RGS7: variants seen among roughly 807,000 people sequenced by gnomAD.
RGS7 encodes regulator of G-protein signaling 7.
In RGS7, 27 loss-of-function variants were observed where a neutral mutation model predicts 81.1. That is an observed-to-expected ratio of 0.33 (90% CI 0.25 to 0.46). The LOEUF is 0.46. Ranked by LOEUF, RGS7 falls within the 20% of genes least tolerant of loss-of-function variation. RGS7 has a pLI of 1.00. For synonymous variants in RGS7, 208 were observed against 207.7 expected, an observed-to-expected ratio of 1.00 and a Z score of -0.01; for missense variants, 396 against 607.4, an observed-to-expected ratio of 0.65 and a Z score of 3.66.
intron 6 of RGS7, among the ~76,000 whole-genome samples, chr1:240,883,596 G>A (rs1179265499): frequency 3.9e-5 from 6 of 152,078 alleles, no homozygotes; most frequent in African/African-American, 4.8e-5. Flanking sequence ...GAGCTTTCAC[G>A]GTTATTCATG....
At chr1:241,235,648 TTCTCTC>T (rs372938062) in intron 2 of RGS7, among the ~76,000 whole-genome samples, 2 of 149,078 alleles carry the variant, frequency 1.3e-5, no homozygotes, top group African/African-American at 5.0e-5. Flanking sequence ...TTTTTTCTCA[TTCTCTC>T]TTTCTTTCTC....
chr1:241,145,490 C>T (rs1282151410), intron 2 of RGS7, among the ~76,000 whole-genome samples: 3 of 152,174 alleles, frequency 2.0e-5, no homozygotes, highest in African/African-American at 7.2e-5. Context: ...AGATCCTCTG[C>T]CATTTAAAAA....
intron 3 of RGS7, among the ~76,000 whole-genome samples, chr1:240,993,248 GGAAAGAAA>G (rs763764704): frequency 4.0e-5 from 6 of 148,930 alleles, no homozygotes; most frequent in Non-Finnish European, 8.9e-5. Context: ...AAGAAAGAGA[GGAAAGAAA>G]GAAAGAAAGA....
chr1:241,010,771 C>T (rs563077380), intron 3 of RGS7, among the ~76,000 whole-genome samples: 3 of 152,090 alleles, frequency 2.0e-5, no homozygotes, highest in East Asian at 3.9e-4. Context: ...CAATGGGTCG[C>T]GTCTGGGAAT....
chr1:241,119,972 C>G (rs1316740591), intron 2 of RGS7, among the ~76,000 whole-genome samples: 2 of 152,092 alleles, frequency 1.3e-5, no homozygotes, highest in Non-Finnish European at 2.9e-5. Context: ...GCGCCTTGAT[C>G]TCTTCAAAGC....
intron 2 of RGS7, among the ~76,000 whole-genome samples, chr1:241,256,667 T>A (rs557230436): frequency 6.6e-6 from 1 of 152,254 alleles, no homozygotes; most frequent in South Asian, 2.1e-4. Flanking sequence ...AATGACTGCA[T>A]TCTCGCTGTG....
chr1:241,289,934 T>A (rs966484587), intron 2 of RGS7, among the ~76,000 whole-genome samples: 1 of 152,156 alleles, frequency 6.6e-6, no homozygotes, highest in Non-Finnish European at 1.5e-5. Flanking sequence ...GAGGAAAGTC[T>A]TGGTTCCATC....
chr1:240,969,895 G>A (rs533500529), intron 4 of RGS7, among the ~76,000 whole-genome samples: 1 of 152,334 alleles, frequency 6.6e-6, no homozygotes, highest in East Asian at 1.9e-4. Context: ...TAAATCAAAT[G>A]TATCTGGGTT....
chr1:241,015,521 T>C (rs2059175392), intron 3 of RGS7, among the ~76,000 whole-genome samples: 1 of 152,216 alleles, frequency 6.6e-6, no homozygotes, highest in African/African-American at 2.4e-5. Context: ...GAAGCATTTA[T>C]AAACAAAGTA....
Position 241,028,088 on chromosome 1 carries a change from G to A in RGS7, c.176-44959C>T, listed in dbSNP as rs550541083. Among the ~76,000 whole-genome samples, 174 of 152,338 alleles carry A rather than the reference G, an allele frequency of 1.1e-3. 2 individuals are homozygous for A. Among genetic ancestry groups the A allele is most frequent in the South Asian group, 6.6e-3 (32 of 4,828 alleles). The stretch of plus-strand genomic sequence containing the variant: ...CAGCCATGTTGAGTGCTGGACTTCA[G>A]AAAATGAAGATCGGGACAGCAGAGG... On this transcript the variant is annotated intron_variant, in intron 3 of 18. Coordinates refer to ENST00000440928, the MANE Select transcript of RGS7 (RefSeq NM_001364886.1).
At chr1:240,981,127 C>T (rs556453012) in intron 4 of RGS7, among the ~76,000 whole-genome samples, 5 of 151,814 alleles carry the variant, frequency 3.3e-5, no homozygotes, top group South Asian at 2.1e-4. Context: ...TTGTTTGTTT[C>T]GAGACAGAGT....
chr1:240,804,323 C>T lies in RGS7; in HGVS notation c.1270-1330G>A, dbSNP rs376217905. Among the ~76,000 whole-genome samples, 22 of 152,226 alleles carry T rather than the reference C, an allele frequency of 1.4e-4. 2 individuals carry two copies. Among genetic ancestry groups the T allele is most frequent in the Admixed American group, 5.2e-4 (8 of 15,274 alleles). The stretch of plus-strand genomic sequence containing the variant: ...CCTGTATTAGTTAATATAAGCCTTA[C>T]AAAACCCCTATGGGGTTGGTAACCA... On this transcript the variant is annotated intron_variant, in intron 15 of 18. Transcript: ENST00000440928.
chr1:241,153,589 A>T (rs1165107316), intron 2 of RGS7, among the ~76,000 whole-genome samples: 5 of 152,236 alleles, frequency 3.3e-5, no homozygotes, highest in African/African-American at 1.2e-4. Context: ...GTGCGGTACC[A>T]CCTGTGTTGG....
intron 2 of RGS7, among the ~76,000 whole-genome samples, chr1:241,225,176 C>T (rs2075248850): frequency 6.6e-6 from 1 of 152,114 alleles, no homozygotes; most frequent in South Asian, 2.1e-4. Context: ...TCCAAGTCTC[C>T]AATGACTATT....
intron 6 of RGS7, among the ~76,000 whole-genome samples, chr1:240,916,930 T>C (rs1388539625): frequency 3.3e-5 from 5 of 152,074 alleles, no homozygotes; most frequent in Non-Finnish European, 7.4e-5. Context: ...ACAATAACTA[T>C]CAGAGCAACC....
intron 2 of RGS7, among the ~76,000 whole-genome samples, chr1:241,140,824 T>C (rs184906983): frequency 8.5e-5 from 13 of 152,358 alleles, no homozygotes; most frequent in Admixed American, 6.5e-4. Flanking sequence ...AGCACTTTTA[T>C]GCATAAAACA....
At chr1:240,869,442 G>GT (rs1425795763) in intron 7 of RGS7, among the ~76,000 whole-genome samples, 1 of 152,196 alleles carries the variant, frequency 6.6e-6, no homozygotes, top group Non-Finnish European at 1.5e-5. Context: ...AATCCTCAGA[G>GT]TTTGGATATC....
In RGS7 at chr1:240,868,545, C is replaced by A. The variant is rs373490073; in HGVS notation, c.609+42G>T. ...CAGGGCACCCCTCACTTCCCACAGA[C>A]GGAGAAGATGGATTCAAGACGAGAG... On this transcript the variant is annotated intron_variant, in intron 9 of 18. Transcript: ENST00000440928. This position sits in a 1 kb window ranked among gnomAD's most constrained non-coding sequence, Gnocchi z 5.1. 1.3e-6 allele frequency: 2 copies of A among 1,578,360 alleles called. No homozygotes were observed. The highest frequency in any genetic ancestry group is 2.2e-5 in the South Asian group (2 of 90,354).
chr1:240,874,765 G>C (rs1450633759), intron 6 of RGS7, among the ~76,000 whole-genome samples: 2 of 152,132 alleles, frequency 1.3e-5, no homozygotes, highest in East Asian at 3.9e-4. Context: ...TCTCGGCCGG[G>C]TGCAGTGGAT....
Sources: allele counts gnomAD v4.1 joint callset (sites outside exome capture counted in the v4.1 genomes callset), GRCh38; gene constraint gnomAD v4.1.1; non-coding constraint Gnocchi (gnomAD v3.1); transcripts MANE v1.5; gene names NCBI Gene and HGNC (gene_info 2026-07-23, HGNC 2026-07-21).